The following TPSG1 variants were observed in gnomAD, a reference collection of about 807,000 sequenced individuals.
The protein encoded by TPSG1 is tryptase gamma.
Under a neutral mutation model 23.8 loss-of-function variants are expected in TPSG1, and 43 were observed. The ratio of observed to expected loss-of-function variants is 1.81; its 90% CI spans 1.42 to 2.33. The LOEUF is 2.33. Among genes scored for constraint, TPSG1 ranks in the 30% most tolerant of loss-of-function variants. The probability of loss-of-function intolerance (pLI) is 0.00; values close to 1 mark genes in which losing one functional copy is unlikely to be tolerated. For synonymous variants in TPSG1, 302 were observed against 201.3 expected (o/e 1.50, Z -4.23); for missense variants, 623 against 438.6 (o/e 1.42, Z -3.75).
rs372763392 is a variant in TPSG1, at chr16:1,223,516, C to T, written c.152G>A (p.Trp51Ter). Residue 51 changes from tryptophan to a stop codon, truncating the protein, a stop_gained, in exon 3 of 6, where the codon TGG (tryptophan) becomes TAG (stop). Transcript: ENST00000234798. LOFTEE classifies it high-confidence loss of function. Reference sequence around the variant, plus strand: ...CCTCCGCAGGCGGAGGCTGGCCTGCCATGGCCATGCGCCGGCCGGGGCAGC... The same window carrying T: ...CCTCCGCAGGCGGAGGCTGGCCTGCTATGGCCATGCGCCGGCCGGGGCAGC... ...GHAAPAGAWP[W>*]QASLRLRRVH... 30 of 1,559,172 alleles carry T rather than the reference C, an allele frequency of 1.9e-5. No homozygotes were observed. Among genetic ancestry groups the T allele is most frequent in the Non-Finnish European group, 2.4e-5 (28 of 1,154,498 alleles).
rs1249782123 is a variant in TPSG1, at chr16:1,223,606, G to A, written c.74-12C>T. 1 of 1,533,634 alleles carries A rather than the reference G, an allele frequency of 6.5e-7. No homozygotes were observed. The highest frequency in any genetic ancestry group is 2.1e-5 in the Admixed American group (1 of 47,736). ...CGGCCGGCCACACCCTAAGTCGAAG[G>A]AGGAAGGGGTGCCTGGTGGGGATCC... On this transcript the variant is annotated splice_polypyrimidine_tract_variant and intron_variant, in intron 2 of 5. Transcript: ENST00000234798.
Position 1,222,290 on chromosome 16 carries a change from T to A in TPSG1, c.563A>T (p.Asp188Val). 3 of 1,611,040 alleles carry A rather than the reference T, an allele frequency of 1.9e-6. No individual in the cohort carries two copies. Among genetic ancestry groups the A allele is most frequent in the Non-Finnish European group, 2.5e-6 (3 of 1,179,302 alleles). Residue 188 changes from aspartate to valine, a missense_variant, in exon 5 of 6, where the codon GAC (aspartate) becomes GTC (valine). By Grantham distance (152) the Asp-to-Val change is radical. Transcript: ENST00000234798. Reference protein sequence around the residue: ...SLREVKVSVVDTETCRRDYPG... With the variant: ...SLREVKVSVVVTETCRRDYPG... Reference sequence around the variant, plus strand: ...ATAGTCCCGGCGGCAGGTCTCTGTGTCCACCACGGAGACTTTCACCTCCCG... The same window carrying A: ...ATAGTCCCGGCGGCAGGTCTCTGTGACCACCACGGAGACTTTCACCTCCCG...
rs779145566 is a variant in TPSG1, at chr16:1,221,786, C to T, written c.*2G>A. 6.3e-6 allele frequency: 10 copies of T among 1,595,878 alleles called. No individual in the cohort carries two copies. The South Asian group carries it at 7.8e-5, about 13-fold the overall frequency. On this transcript the variant is annotated 3_prime_UTR_variant, in exon 6 of 6. Coordinates refer to ENST00000234798, the MANE Select transcript of TPSG1 (RefSeq NM_012467.4). ...TTAAGAAATGCACTTGGATTCCTGC[C>T]ATCAGTCAGGGGCGGGGAAGGGAGT... is the stretch of plus-strand genomic sequence containing the variant.
chr16:1,223,967 G>A (rs1335161135), intron 2 of TPSG1: 2 of 277,760 alleles, frequency 7.2e-6, no homozygotes, highest in African/African-American at 2.3e-5. Context: ...TTCCTTCAGG[G>A]GTGGTGGAGA....
rs758441417 is a variant in TPSG1 at position 1,223,517 on chromosome 16, A to T, written c.151T>A (p.Trp51Arg). The T allele has an allele frequency of 1.1e-5, 17 of 1,559,236 alleles. No individual in the cohort carries two copies. Among genetic ancestry groups the T allele is most frequent in the Non-Finnish European group, 1.2e-5 (14 of 1,154,518 alleles). Residue 51 changes from tryptophan to arginine, a missense_variant, in exon 3 of 6, where the codon TGG (tryptophan) becomes AGG (arginine). Coordinates refer to ENST00000234798, the MANE Select transcript of TPSG1 (RefSeq NM_012467.4). ...CTCCGCAGGCGGAGGCTGGCCTGCC[A>T]TGGCCATGCGCCGGCCGGGGCAGCG... ...GHAAPAGAWP[W>R]QASLRLRRVH... is the part of the protein sequence containing the mutation.
In TPSG1 at chr16:1,222,626, C is replaced by T. The variant is rs749883870; in HGVS notation, c.511+26G>A. Reference sequence around the variant, plus strand: ...CCTGCCGCCCTTGCCTTCCTCCATCCCAGCATCCCCACGGGGGCTCCTCAC... The same window carrying T: ...CCTGCCGCCCTTGCCTTCCTCCATCTCAGCATCCCCACGGGGGCTCCTCAC... On this transcript the variant is annotated intron_variant, in intron 4 of 5. Transcript: ENST00000234798. 4.6e-6 allele frequency: 7 copies of T among 1,523,604 alleles called. No homozygotes were observed. In the East Asian group the frequency reaches 1.6e-4, roughly 35 times the overall value. 94.4% of individuals were successfully genotyped at this position (1,523,604 alleles called of 1,614,324 possible). A position where few individuals can be genotyped will look rare whatever the true frequency, so the allele number is the denominator to read the frequency against.
Position 1,221,818 on chromosome 16 carries a change from C to A in TPSG1, c.936G>T (p.Ala312=). ...CAGGGGCGGGGAAGGGAGTACCATCCGCAGATGGGTGCAGCAGGCACTTGG... is the reference window on the plus strand; with the variant it reads ...CAGGGGCGGGGAAGGGAGTACCATCAGCAGATGGGTGCAGCAGGCACTTGG... ...LLAKCLLHPS[A]DGTPFPAPD is the part of the protein sequence containing the mutation. The change falls in exon 6 of 6, where the codon GCG becomes GCT. Residue 312 remains alanine, a synonymous_variant. Transcript: ENST00000234798. 1 of 1,609,864 alleles carries A rather than the reference C, an allele frequency of 6.2e-7. No individual in the cohort carries two copies. The highest frequency in any genetic ancestry group is 8.5e-7 in the Non-Finnish European group (1 of 1,178,132).
At position 1,225,265 on chromosome 16, in the gene TPSG1, CTG is replaced by C; in HGVS notation, c.-15_-14del. On this transcript the variant is annotated 5_prime_UTR_variant, in exon 1 of 6. Transcript: ENST00000234798. ...CCCCAAGGGCCATGGTGTCTGCCCA[CTG>C]TAGGGAGAAGGAGGGCCAGCCTGAC... The C allele has an allele frequency of 6.4e-7, 1 of 1,561,374 alleles. No homozygotes were observed. The highest frequency in any genetic ancestry group is 1.2e-5 in the South Asian group (1 of 84,592).
In TPSG1 at chr16:1,221,748, A is replaced by C; in HGVS notation, c.*40T>G. 6.4e-7 allele frequency: 1 copy of C among 1,553,806 alleles called. No individual in the cohort carries two copies. Among genetic ancestry groups the C allele is most frequent in the Non-Finnish European group, 8.7e-7 (1 of 1,147,358 alleles). Reference sequence around the variant, plus strand: ...GAGAGGGAGGGGGCGGAGCGGAATAAATAGTAACTTATTTAAGAAATGCAC... The same window carrying C: ...GAGAGGGAGGGGGCGGAGCGGAATACATAGTAACTTATTTAAGAAATGCAC... On this transcript the variant is annotated 3_prime_UTR_variant, in exon 6 of 6. Coordinates refer to ENST00000234798, the MANE Select transcript of TPSG1 (RefSeq NM_012467.4).
chr16:1,221,800 G>A lies in TPSG1; in HGVS notation c.954C>T (p.Pro318=), dbSNP rs776236213. The change falls in exon 6 of 6, where the codon CCC becomes CCT. Residue 318 remains proline, a synonymous_variant. Coordinates refer to ENST00000234798, the MANE Select transcript of TPSG1 (RefSeq NM_012467.4). ...TGGATTCCTGCCATCAGTCAGGGGC[G>A]GGGAAGGGAGTACCATCCGCAGATG... The part of the protein sequence containing the change: ...LHPSADGTPF[P]APD 13 of 1,604,494 alleles carry A rather than the reference G, an allele frequency of 8.1e-6. No homozygotes were observed. Among genetic ancestry groups the A allele is most frequent in the African/African-American group, 5.4e-5 (4 of 74,738 alleles).
Position 1,222,179 on chromosome 16 carries a change from C to T in TPSG1, c.657+17G>A, listed in dbSNP as rs868309112. Reference sequence around the variant, plus strand: ...CTTCAGCCGCCCCCATCCTCTGTCACGGCCTGGCAGGCTCACCTGGCAGGC... The same window carrying T: ...CTTCAGCCGCCCCCATCCTCTGTCATGGCCTGGCAGGCTCACCTGGCAGGC... On this transcript the variant is annotated intron_variant, in intron 5 of 5. Transcript: ENST00000234798. 34 of 1,611,368 alleles carry T rather than the reference C, an allele frequency of 2.1e-5. No individual in the cohort carries two copies. Among genetic ancestry groups the T allele is most frequent in the East Asian group, 4.5e-5 (2 of 44,874 alleles).
chr16:1,223,060 G>T, intron 3 of TPSG1, 143 bp from the exon 4 acceptor site: 2 of 1,123,574 alleles, frequency 1.8e-6, no homozygotes, highest in South Asian at 1.7e-5. Flanking sequence ...CTGGGCAGTG[G>T]CCTCACCCTG....
chr16:1,223,667 C>T, intron 2 of TPSG1, 73 bp from the exon 3 acceptor site: 1 of 1,473,124 alleles, frequency 6.8e-7, no homozygotes, highest in South Asian at 1.3e-5. Context: ...TGAAGCCTTC[C>T]CTGACCACAC....
Position 1,222,328 on chromosome 16 carries a change from G to A in TPSG1, c.525C>T (p.Pro175=), listed in dbSNP as rs1233060765. The change falls in exon 5 of 6, where the codon CCC becomes CCT. Residue 175 remains proline (P), a synonymous_variant. Transcript: ENST00000234798. The stretch of plus-strand genomic sequence containing the variant: ...CTTTCACCTCCCGCAGGCTGTACGG[G>A]GGTGGCAGAGGCTCTGGGGTGGGGG... ...GYTREGEPLP[P]PYSLREVKVS... 6.3e-7 allele frequency: 1 copy of A among 1,599,934 alleles called. No homozygotes were observed.
In TPSG1 at chr16:1,221,697, G is replaced by A. The variant is rs748611684; in HGVS notation, c.*91C>T. The A allele has an allele frequency of 1.7e-5, 21 of 1,259,882 alleles. No individual in the cohort carries two copies. Among genetic ancestry groups the A allele is most frequent in the Non-Finnish European group, 2.3e-5 (21 of 922,244 alleles). 78.0% of individuals were successfully genotyped at this position (1,259,882 alleles called of 1,614,324 possible). ...TTCAGGTTAAATGTTGCAATAATCT[G>A]ATGCAGAAGACTCAGCTTCTCAAGG... On this transcript the variant is annotated 3_prime_UTR_variant, in exon 6 of 6. Transcript: ENST00000234798.
chr16:1,224,969 C>T lies in TPSG1; in HGVS notation c.46+238G>A, dbSNP rs113927795. 7.4e-3 allele frequency among the ~76,000 whole-genome samples: 1,128 copies of T among 151,890 alleles called. 15 individuals are homozygous for T. Among genetic ancestry groups the T allele is most frequent in the African/African-American group, 0.025 (1,045 of 41,416 alleles). ...CCCACCCGCACCCCCAACTACCACC[C>T]GCCCTGCCAACTCCTGCACCCCCAA... On this transcript the variant is annotated intron_variant, in intron 1 of 5. Coordinates refer to ENST00000234798, the MANE Select transcript of TPSG1 (RefSeq NM_012467.4).
In TPSG1 at chr16:1,222,045, C is replaced by G. The variant is rs1196937367; in HGVS notation, c.709G>C (p.Ala237Pro). The G allele has an allele frequency of 6.2e-7, 1 of 1,612,790 alleles. No homozygotes were observed. Reference sequence around the variant, plus strand: ...CCCTCACCCCAGCTCACAGTGCCAGCCTGCACCCAGGCACCGTTCACCTGG... The same window carrying G: ...CCCTCACCCCAGCTCACAGTGCCAGGCTGCACCCAGGCACCGTTCACCTGG... ...VCQVNGAWVQ[A>P]GTVSWGEGCG... is the part of the protein sequence containing the mutation. The change falls in exon 6 of 6, where the codon GCT (alanine) becomes CCT (proline). Residue 237 changes from alanine (A) to proline (P), a missense_variant. Physicochemically the swap from Ala to Pro is conservative, Grantham distance 27 (BLOSUM62 -1). Coordinates refer to ENST00000234798, the MANE Select transcript of TPSG1 (RefSeq NM_012467.4).
At chr16:1,224,704 C>A in intron 1 of TPSG1, 76 bp from the exon 2 acceptor site, 1 of 1,594,366 alleles carries the variant, frequency 6.3e-7, no homozygotes, top group South Asian at 1.1e-5. Flanking sequence ...AGGCCCCTGC[C>A]AGGCCTCAGG....
chr16:1,225,173 C>T (rs1357656514), intron 1 of TPSG1, 34 bp downstream of exon 1: 2 of 1,557,528 alleles, frequency 1.3e-6, no homozygotes, highest in East Asian at 2.4e-5. Flanking sequence ...AAGCAGATGC[C>T]CCCCCATCCC....
Sources: gnomAD v4.1 joint callset for allele counts (sites outside exome capture counted in the v4.1 genomes callset) on GRCh38, gnomAD v4.1.1 for gene constraint, MANE v1.5 for transcripts, NCBI Gene and HGNC (gene_info 2026-07-23, HGNC 2026-07-21) for gene names.